Variants in IP6K1 observed in about 807,000 individuals in gnomAD.
IP6K1 encodes ATP:1D-myo-inositol-hexakisphosphate phosphotransferase.
In IP6K1, 13 loss-of-function variants were observed where a neutral mutation model predicts 38.3. The observed-to-expected ratio is 0.34, with a 90% CI of 0.22 to 0.54. The LOEUF (loss-of-function observed/expected upper bound fraction) is 0.54, where lower values mean the gene tolerates loss of function less well. Ranked by LOEUF, IP6K1 falls within the 20% of genes least tolerant of loss-of-function variation. The probability of loss-of-function intolerance (pLI) is 0.92; values close to 1 mark genes in which losing one functional copy is unlikely to be tolerated. For missense variants in IP6K1, 397 were observed against 599.8 expected (o/e 0.66, Z 3.53); for synonymous variants, 212 against 229.9 (o/e 0.92, Z 0.70).
chr3:49,731,328 C>T (rs764712304), intron 4 of IP6K1, among the ~76,000 whole-genome samples: 10 of 152,174 alleles, frequency 6.6e-5, no homozygotes, highest in South Asian at 6.2e-4. Context: ...TGCTACAGAG[C>T]AATCGCATCT....
intron 1 of IP6K1, among the ~76,000 whole-genome samples, chr3:49,764,843 C>CTA (rs1342378613): frequency 6.7e-6 from 1 of 150,080 alleles, no homozygotes; most frequent in Non-Finnish European, 1.5e-5. Context: ...CACCACTGCA[C>CTA]TATAGCCTGG....
At chr3:49,755,993 C>T (rs1169743613) in intron 1 of IP6K1, among the ~76,000 whole-genome samples, 1 of 152,148 alleles carries the variant, frequency 6.6e-6, no homozygotes, top group Non-Finnish European at 1.5e-5. Flanking sequence ...GTAAGTAGGG[C>T]TGTCAACCCT....
intron 2 of IP6K1, among the ~76,000 whole-genome samples, chr3:49,740,856 CTTTT>C (rs557851334): frequency 7.2e-5 from 10 of 138,868 alleles, no homozygotes; most frequent in Non-Finnish European, 1.6e-4. Flanking sequence ...TTTCTTTTTT[CTTTT>C]TTTTTTTTTT....
At chr3:49,749,029 C>G (rs2080748337) in intron 1 of IP6K1, 1 of 152,162 alleles carries the variant, frequency 6.6e-6, no homozygotes, top group African/African-American at 2.4e-5. Flanking sequence ...AGGGTTCATG[C>G]TCCTATGAGA....
chr3:49,760,549 G>A (rs549462606), intron 1 of IP6K1, among the ~76,000 whole-genome samples: 95 of 150,678 alleles, frequency 6.3e-4, no homozygotes, highest in Non-Finnish European at 9.4e-4. Flanking sequence ...ACTTGAACCC[G>A]GGAGGCAGAG....
intron 1 of IP6K1, among the ~76,000 whole-genome samples, chr3:49,784,762 T>C (rs2081096412): frequency 1.3e-5 from 2 of 151,076 alleles, no homozygotes; most frequent in South Asian, 2.1e-4. Context: ...CTGGCCAACA[T>C]AGTGAAACCC....
chr3:49,782,266 G>A (rs555662325), intron 1 of IP6K1, among the ~76,000 whole-genome samples: 37 of 151,824 alleles, frequency 2.4e-4, no homozygotes, highest in African/African-American at 8.4e-4. Flanking sequence ...CACCTCCCAG[G>A]TTCAAGTGAT....
At chr3:49,767,858 C>T (rs546302195) in intron 1 of IP6K1, among the ~76,000 whole-genome samples, 3 of 152,064 alleles carry the variant, frequency 2.0e-5, no homozygotes, top group Non-Finnish European at 4.4e-5. Flanking sequence ...ATATAAAGTA[C>T]TTGTATAACT....
intron 1 of IP6K1, among the ~76,000 whole-genome samples, chr3:49,752,173 T>G (rs2080782519): frequency 6.6e-6 from 1 of 151,818 alleles, no homozygotes; most frequent in Non-Finnish European, 1.5e-5. Flanking sequence ...CCCGGCTAAC[T>G]TAAAAAAATT....
At chr3:49,733,410 T>C (rs1387042604) in intron 3 of IP6K1, among the ~76,000 whole-genome samples, 1 of 152,188 alleles carries the variant, frequency 6.6e-6, no homozygotes, top group Non-Finnish European at 1.5e-5. Flanking sequence ...ATTCCATTCC[T>C]AGGTATACAC....
At position 49,731,887 on chromosome 3, in the gene IP6K1, C is replaced by CAAAAA. The variant is rs71080545; in HGVS notation, c.616+899_616+903dup. Among the ~76,000 whole-genome samples, 39 of 65,330 alleles carry CAAAAA rather than the reference C, an allele frequency of 6.0e-4. 4 individuals carry two copies. The highest frequency in any genetic ancestry group is 7.1e-4 in the South Asian group (1 of 1,412). The allele number at this position is 65,330 out of a possible 152,430, so 42.9% of individuals were successfully genotyped here. On this transcript the variant is annotated intron_variant, in intron 4 of 5. Coordinates refer to ENST00000321599, the MANE Select transcript of IP6K1 (RefSeq NM_153273.4). ...TGGGTAACAGAGTGAGACTCTGTCT[C>CAAAAA]AAAAAAAAAAAAAAAAAAGGAATTC...
intron 2 of IP6K1, among the ~76,000 whole-genome samples, chr3:49,743,580 G>A (rs956773204): frequency 2.0e-5 from 3 of 149,912 alleles, no homozygotes; most frequent in African/African-American, 7.3e-5. Flanking sequence ...TCGGGGGGCT[G>A]AGGTGGGAGG....
intron 1 of IP6K1, among the ~76,000 whole-genome samples, chr3:49,753,914 A>C (rs1416628876): frequency 6.6e-6 from 1 of 152,258 alleles, no homozygotes; most frequent in African/African-American, 2.4e-5. Flanking sequence ...AAATGCACCC[A>C]AATGAGAATA....
intron 1 of IP6K1, among the ~76,000 whole-genome samples, chr3:49,769,673 A>G (rs774347795): frequency 1.3e-5 from 2 of 152,202 alleles, no homozygotes; most frequent in Admixed American, 6.5e-5. Context: ...AATGAAAAGA[A>G]TATGGCAGAA....
At chr3:49,740,825 A>T (rs2080660665) in intron 2 of IP6K1, among the ~76,000 whole-genome samples, 1 of 151,484 alleles carries the variant, frequency 6.6e-6, no homozygotes, top group East Asian at 1.9e-4. Flanking sequence ...GGCTTACAAC[A>T]ATCCATTTGA....
intron 1 of IP6K1, among the ~76,000 whole-genome samples, chr3:49,752,720 T>C (rs1047594589): frequency 1.3e-5 from 2 of 151,220 alleles, no homozygotes; most frequent in Non-Finnish European, 2.9e-5. Flanking sequence ...CCTCCCAAAG[T>C]GCTGGGGATT....
In IP6K1 at chr3:49,728,009, A is replaced by C; in HGVS notation, c.792+94T>G. 6 of 1,292,432 alleles carry C rather than the reference A, an allele frequency of 4.6e-6. No homozygotes were observed. In the South Asian group the frequency reaches 7.9e-5, roughly 17 times the overall value. 80.1% of individuals were successfully genotyped at this position (1,292,432 alleles called of 1,614,324 possible). On this transcript the variant is annotated intron_variant, in intron 5 of 5. Transcript: ENST00000321599. Reference sequence around the variant, plus strand: ...TCAACAGGTAAGGACAGAGGGGCTCAGGAGGACACACTTGGCATAGATGGC... The same window carrying C: ...TCAACAGGTAAGGACAGAGGGGCTCCGGAGGACACACTTGGCATAGATGGC...
intron 2 of IP6K1, 140 bp downstream of exon 2, chr3:49,747,678 T>C: frequency 1.8e-6 from 2 of 1,113,834 alleles, no homozygotes; most frequent in Middle Eastern, 5.7e-4. Flanking sequence ...CAGCCTCTAA[T>C]TTTATCTAAC....
chr3:49,761,144 T>A (rs969299367), intron 1 of IP6K1, among the ~76,000 whole-genome samples: 3 of 145,466 alleles, frequency 2.1e-5, no homozygotes, highest in Non-Finnish European at 1.5e-5. Context: ...TGAAACCCTG[T>A]CTCTACTAAA....
Sources: gnomAD v4.1 joint callset for allele counts (sites outside exome capture counted in the v4.1 genomes callset) on GRCh38, gnomAD v4.1.1 for gene constraint, MANE v1.5 for transcripts, NCBI Gene and HGNC (gene_info 2026-07-23, HGNC 2026-07-21) for gene names.